The following NAV3 variants were observed in gnomAD, a reference collection of about 807,000 sequenced individuals.
NAV3 encodes neuron navigator 3.
Under a neutral mutation model 244.7 loss-of-function variants are expected in NAV3, and 87 were observed. That is an observed-to-expected ratio of 0.36 (90% CI 0.30 to 0.42). NAV3 has a LOEUF of 0.42. Among genes scored for constraint, NAV3 ranks in the 20% least tolerant of loss-of-function variants. The pLI is 1.00. For missense variants in NAV3, 2,663 were observed against 2,893.3 expected, an observed-to-expected ratio of 0.92 and a Z score of 1.83; for synonymous variants, 1,126 against 1,042.2, an observed-to-expected ratio of 1.08 and a Z score of -1.55.
At chr12:78,203,012 G>T (rs1959889404) in intron 38 of NAV3, among the ~76,000 whole-genome samples, 1 of 151,980 alleles carries the variant, frequency 6.6e-6, no homozygotes, top group African/African-American at 2.4e-5. Context: ...GATTTTTTTG[G>T]TGAAAAACCT....
At chr12:77,739,489 C>T (rs1868288934) in intron 2 of NAV3, among the ~76,000 whole-genome samples, 1 of 151,950 alleles carries the variant, frequency 6.6e-6, no homozygotes, top group Admixed American at 6.6e-5. Flanking sequence ...AATCTGATGC[C>T]ACATTTAATA....
intron 34 of NAV3, 91 bp downstream of exon 34, chr12:78,190,310 G>A (rs1958916641): frequency 2.0e-6 from 2 of 1,006,370 alleles, no homozygotes; most frequent in Non-Finnish European, 2.9e-6. Flanking sequence ...CTTCCATGTT[G>A]TACATGGAAA....
chr12:77,715,244 G>A (rs774364468), intron 2 of NAV3, among the ~76,000 whole-genome samples: 11 of 151,848 alleles, frequency 7.2e-5, no homozygotes, highest in Non-Finnish European at 1.0e-4. Context: ...TTAGTATAAC[G>A]TTGAAAATGA....
chr12:77,711,551 G>A, intron 2 of NAV3, among the ~76,000 whole-genome samples: 1 of 152,222 alleles, frequency 6.6e-6, no homozygotes, highest in East Asian at 1.9e-4. Flanking sequence ...ATTACAAACA[G>A]GATCTGGTCC....
intron 2 of NAV3, among the ~76,000 whole-genome samples, chr12:77,600,097 T>C (rs1870356530): frequency 6.6e-6 from 1 of 151,956 alleles, no homozygotes; most frequent in African/African-American, 2.4e-5. Context: ...TTTAGAAACA[T>C]TGATGCTTAA....
At chr12:77,728,523 T>C (rs1263263114) in intron 2 of NAV3, among the ~76,000 whole-genome samples, 1 of 151,878 alleles carries the variant, frequency 6.6e-6, no homozygotes, top group Non-Finnish European at 1.5e-5. Context: ...TTTTCTACAC[T>C]GAGGAAATGG....
chr12:77,695,156 A>G (rs1160034414), intron 2 of NAV3, among the ~76,000 whole-genome samples: 1 of 152,234 alleles, frequency 6.6e-6, no homozygotes, highest in African/African-American at 2.4e-5. Flanking sequence ...TTTTTAACTA[A>G]TATGATCCCA....
intron 1 of NAV3, among the ~76,000 whole-genome samples, chr12:77,854,782 G>A (rs540622541): frequency 6.6e-6 from 1 of 151,970 alleles, no homozygotes; most frequent in African/African-American, 2.4e-5. Context: ...ATCATATACC[G>A]TCTAAATATT....
At chr12:77,729,966 G>C (rs1340566284) in intron 2 of NAV3, among the ~76,000 whole-genome samples, 1 of 151,914 alleles carries the variant, frequency 6.6e-6, no homozygotes, top group Non-Finnish European at 1.5e-5. Flanking sequence ...TTTCAAGGAA[G>C]AGGTGTGTAT....
chr12:78,160,407 G>A (rs1460475441), intron 23 of NAV3, among the ~76,000 whole-genome samples: 5 of 25,470 alleles, frequency 2.0e-4, no homozygotes, highest in Non-Finnish European at 4.5e-4. Context: ...GTGCGTGCGT[G>A]TGTGTGTGTG....
intron 2 of NAV3, among the ~76,000 whole-genome samples, chr12:77,645,534 TCTAAAAAA>T (rs1381804901): frequency 3.2e-4 from 29 of 89,320 alleles, no homozygotes; most frequent in African/African-American, 1.7e-3. Flanking sequence ...GCTCTCTCTC[TCTAAAAAA>T]AAAAAAAAAA....
chr12:77,872,272 A>G (rs753913941), intron 1 of NAV3, among the ~76,000 whole-genome samples: 1 of 152,164 alleles, frequency 6.6e-6, no homozygotes, highest in Non-Finnish European at 1.5e-5. Context: ...CTTCTCTAGC[A>G]TGGGAACAGG....
At chr12:77,995,012 A>T (rs1391295143) in intron 6 of NAV3, 141 bp downstream of exon 6, 1 of 579,580 alleles carries the variant, frequency 1.7e-6, no homozygotes, top group East Asian at 2.9e-5. Flanking sequence ...GAAGATTTTC[A>T]CACATAGCCT....
intron 2 of NAV3, among the ~76,000 whole-genome samples, chr12:77,590,022 A>C (rs767066308): frequency 3.3e-5 from 5 of 152,240 alleles, no homozygotes; most frequent in Non-Finnish European, 7.3e-5. Context: ...GTAAGCCTCC[A>C]TTAAAGATTA....
At chr12:77,618,041 G>T (rs1871210465) in intron 2 of NAV3, among the ~76,000 whole-genome samples, 1 of 152,074 alleles carries the variant, frequency 6.6e-6, no homozygotes, top group Non-Finnish European at 1.5e-5. Context: ...GTTTGGTTTG[G>T]TTTTGTCTCT....
chr12:77,633,708 A>G (rs1460520187), intron 2 of NAV3, among the ~76,000 whole-genome samples: 1 of 152,182 alleles, frequency 6.6e-6, no homozygotes, highest in Non-Finnish European at 1.5e-5. Context: ...TTAAAGTATT[A>G]GATAATTCTT....
chr12:77,610,866 G>A (rs778515682), intron 2 of NAV3, among the ~76,000 whole-genome samples: 6 of 151,868 alleles, frequency 4.0e-5, no homozygotes, highest in Non-Finnish European at 8.8e-5. Context: ...TATGTTTGAT[G>A]AAGATGTGTG....
chr12:77,941,054 C>G, intron 2 of NAV3, 27 bp from the exon 3 acceptor site: 1 of 1,432,674 alleles, frequency 7.0e-7, no homozygotes. Context: ...CTTTTTTTCT[C>G]TCTTTTATTT....
chr12:77,971,319 T>G (rs963730985), intron 5 of NAV3, among the ~76,000 whole-genome samples: 9 of 152,072 alleles, frequency 5.9e-5, no homozygotes, highest in Non-Finnish European at 1.2e-4. Flanking sequence ...GATATATAAT[T>G]TAATAAATGT....
Sources: allele counts gnomAD v4.1 joint callset (sites outside exome capture counted in the v4.1 genomes callset), GRCh38; gene constraint gnomAD v4.1.1; transcripts MANE v1.5; gene names NCBI Gene and HGNC (gene_info 2026-07-23, HGNC 2026-07-21).